Variants in KIF1B observed in about 807,000 individuals in gnomAD.
KIF1B encodes the protein kinesin-like protein KIF1B.
Under a neutral mutation model 241.9 loss-of-function variants are expected in KIF1B, and 76 were observed. The ratio of observed to expected loss-of-function variants is 0.31; its 90% CI spans 0.26 to 0.38. The LOEUF (loss-of-function observed/expected upper bound fraction) is 0.38. Among genes scored for constraint, KIF1B ranks in the 10% least tolerant of loss-of-function variants. The pLI is 1.00. For synonymous variants in KIF1B, 750 were observed against 796.7 expected (o/e 0.94, Z 0.99); for missense variants, 1,622 against 2,271.4 (o/e 0.71, Z 5.81).
intron 44 of KIF1B, among the ~76,000 whole-genome samples, chr1:10,370,002 C>T (rs1020705841): frequency 6.6e-6 from 1 of 152,030 alleles, no homozygotes; most frequent in African/African-American, 2.4e-5. Context: ...GCCTGTAATC[C>T]CAACACTTTG....
At chr1:10,218,951 A>G (rs1020956078) in intron 1 of KIF1B, among the ~76,000 whole-genome samples, 1 of 152,340 alleles carries the variant, frequency 6.6e-6, no homozygotes, top group African/African-American at 2.4e-5. Context: ...GTAAAAATTT[A>G]TGTAACAAGA....
rs774417721 is a variant in KIF1B, at chr1:10,342,055, A to G, written c.3519A>G (p.Ala1173=). The G allele has an allele frequency of 6.3e-7, 1 of 1,589,498 alleles. No homozygotes were observed. The highest frequency in any genetic ancestry group is 8.6e-7 in the Non-Finnish European group (1 of 1,157,698). Residue 1173 remains alanine, a synonymous_variant, in exon 33 of 49, where the codon GCA becomes GCG. Coordinates refer to ENST00000676179, the MANE Select transcript of KIF1B (RefSeq NM_001365951.3). The stretch of plus-strand genomic sequence containing the variant: ...CTAATCTTGCTTGGCTTTAGATTGC[A>G]GTGGAGATCACTGAATCATTTGTGG... ...PLAFYHVQNI[A]VEITESFVDY... is the part of the protein sequence containing the mutation.
chr1:10,371,691 C>G (rs148408541), intron 45 of KIF1B, among the ~76,000 whole-genome samples: 96 of 152,146 alleles, frequency 6.3e-4, no homozygotes, highest in Non-Finnish European at 8.2e-4. Flanking sequence ...CCAGCACTTT[C>G]GGATGCCAAG....
At chr1:10,257,012 G>A (rs1647828420) in intron 3 of KIF1B, among the ~76,000 whole-genome samples, 1 of 151,342 alleles carries the variant, frequency 6.6e-6, no homozygotes, top group Non-Finnish European at 1.5e-5. Context: ...GTGCCTGGCT[G>A]GAAATGCCAA....
Position 10,377,921 on chromosome 1 carries a change from G to A in KIF1B, c.*1334G>A. 2 of 207,490 alleles carry A rather than the reference G, an allele frequency of 9.6e-6. No homozygotes were observed. Among genetic ancestry groups the A allele is most frequent in the South Asian group, 2.7e-4 (2 of 7,390 alleles). The allele number at this position is 207,490 out of a possible 1,614,324, so 12.9% of individuals were successfully genotyped here. A position where few individuals can be genotyped will look rare whatever the true frequency, so the allele number is the denominator to read the frequency against. On this transcript the variant is annotated 3_prime_UTR_variant, in exon 49 of 49. Coordinates refer to ENST00000676179, the MANE Select transcript of KIF1B (RefSeq NM_001365951.3). ...ATTGCACTCCAGCCTGGGTGACAGA[G>A]CAAGACTCTGCCTCAGAAAAAAAAA...
At chr1:10,242,281 C>T (rs901753059) in intron 2 of KIF1B, among the ~76,000 whole-genome samples, 1 of 151,534 alleles carries the variant, frequency 6.6e-6, no homozygotes, top group Non-Finnish European at 1.5e-5. Context: ...AGAAATGTGT[C>T]GGTAGGTGAT....
chr1:10,217,122 T>C (rs188176444), intron 1 of KIF1B, among the ~76,000 whole-genome samples: 3 of 151,400 alleles, frequency 2.0e-5, no homozygotes, highest in African/African-American at 7.3e-5. Context: ...TACAAACGTG[T>C]GCCACCACGC....
intron 4 of KIF1B, among the ~76,000 whole-genome samples, chr1:10,259,510 T>TA (rs1314125980): frequency 6.7e-6 from 1 of 150,000 alleles, no homozygotes; most frequent in Non-Finnish European, 1.5e-5. Context: ...AAAAAATTTT[T>TA]TTTTTTTTTT....
chr1:10,325,486 A>G (rs1176368594), intron 26 of KIF1B, among the ~76,000 whole-genome samples: 1 of 152,206 alleles, frequency 6.6e-6, no homozygotes, highest in Admixed American at 6.5e-5. Context: ...TTATGATTTC[A>G]GAATTTGAAT....
chr1:10,247,357 G>A (rs1647236784), intron 2 of KIF1B, among the ~76,000 whole-genome samples: 1 of 152,084 alleles, frequency 6.6e-6, no homozygotes, highest in Non-Finnish European at 1.5e-5. Context: ...CAGCTTGTTT[G>A]CTTTTATCTA....
At chr1:10,215,750 T>G (rs894997683) in intron 1 of KIF1B, among the ~76,000 whole-genome samples, 3 of 151,960 alleles carry the variant, frequency 2.0e-5, no homozygotes, top group Non-Finnish European at 4.4e-5. Flanking sequence ...CTCACTATAT[T>G]GCCTATTGCC....
rs752653191 is a variant in KIF1B, at chr1:10,324,761, G to C, written c.2541G>C (p.Gln847His). Residue 847 changes from glutamine (Q) to histidine (H), a missense_variant, in exon 26 of 49, where the codon CAG becomes CAC. By Grantham distance (24) the Gln-to-His change is conservative. This residue lies in a region of KIF1B where 803 missense variants were observed against 1,112.0 expected (regional missense o/e 0.72). Coordinates refer to ENST00000676179, the MANE Select transcript of KIF1B (RefSeq NM_001365951.3). Reference sequence around the variant, plus strand: ...GTGCTTTGTGTTTACTAAATAGGCAGAGGCTGGATTTGATGCGAGAGATGT... The same window carrying C: ...GTGCTTTGTGTTTACTAAATAGGCACAGGCTGGATTTGATGCGAGAGATGT... The part of the protein sequence containing the change: ...THYWSLEKLK[Q>H]RLDLMREMYD... 6.2e-7 allele frequency: 1 copy of C among 1,613,918 alleles called. No individual in the cohort carries two copies. The highest frequency in any genetic ancestry group is 8.5e-7 in the Non-Finnish European group (1 of 1,180,006).
At chr1:10,260,635 C>T (rs1056475397) in intron 4 of KIF1B, among the ~76,000 whole-genome samples, 10 of 152,196 alleles carry the variant, frequency 6.6e-5, no homozygotes, top group Admixed American at 3.3e-4. Context: ...GAGGCCAAGG[C>T]GGGTGGATCA....
chr1:10,284,286 A>G (rs1190173312), intron 15 of KIF1B, among the ~76,000 whole-genome samples: 1 of 152,218 alleles, frequency 6.6e-6, no homozygotes, highest in African/African-American at 2.4e-5. Context: ...ACGGTAGCTC[A>G]CACCTGTAAT....
At chr1:10,259,657 T>C (rs1007245618) in intron 4 of KIF1B, among the ~76,000 whole-genome samples, 2 of 151,972 alleles carry the variant, frequency 1.3e-5, no homozygotes, top group African/African-American at 4.8e-5. Flanking sequence ...CACCCACCAC[T>C]ATGCCTGGCT....
intron 27 of KIF1B, among the ~76,000 whole-genome samples, chr1:10,332,501 ATTTTTTTTTTTTTTTT>A (rs568393252): frequency 9.4e-4 from 55 of 58,692 alleles, no homozygotes; most frequent in African/African-American, 3.4e-3. Flanking sequence ...GATAATAGTC[ATTTTTTTTTTTTTTTT>A]TTTTTTTTTT....
In KIF1B at chr1:10,361,025, C is replaced by A; in HGVS notation, c.4152C>A (p.Thr1384=). The A allele has an allele frequency of 6.2e-7, 1 of 1,612,452 alleles. No individual in the cohort carries two copies. The highest frequency in any genetic ancestry group is 1.1e-5 in the South Asian group (1 of 91,036). Reference sequence around the variant, plus strand: ...CCTATGGAGAAAAGATCTACATGACCTTGTCGGCCTACCTAGAGGTGAGGA... The same window carrying A: ...CCTATGGAGAAAAGATCTACATGACATTGTCGGCCTACCTAGAGGTGAGGA... ...VTPYGEKIYM[T]LSAYLELDHC... The change falls in exon 39 of 49, where the codon ACC becomes ACA. Residue 1384 remains threonine (T), a synonymous_variant. Coordinates refer to ENST00000676179, the MANE Select transcript of KIF1B (RefSeq NM_001365951.3).
At position 10,378,238 on chromosome 1, in the gene KIF1B, G is replaced by A; in HGVS notation, c.*1651G>A. On this transcript the variant is annotated 3_prime_UTR_variant, in exon 49 of 49. Coordinates refer to ENST00000676179, the MANE Select transcript of KIF1B (RefSeq NM_001365951.3). ...AACGTCCAGGGAGCCCGGGCCCCAGGCTTTGTTGCGTGTTCCCTGCTCCTC... is the reference window on the plus strand; with the variant it reads ...AACGTCCAGGGAGCCCGGGCCCCAGACTTTGTTGCGTGTTCCCTGCTCCTC... The A allele has an allele frequency of 1.4e-6, 1 of 704,020 alleles. No homozygotes were observed. Among genetic ancestry groups the A allele is most frequent in the Non-Finnish European group, 2.6e-6 (1 of 379,644 alleles). 43.6% of individuals were successfully genotyped at this position (704,020 alleles called of 1,614,324 possible).
chr1:10,306,784 A>AAG, intron 22 of KIF1B: 1 of 861,274 alleles, frequency 1.2e-6, no homozygotes, highest in Non-Finnish European at 1.4e-6. Context: ...AAAAAAAAAA[A>AAG]GGTAATATTT....
Sources: allele counts gnomAD v4.1 joint callset (sites outside exome capture counted in the v4.1 genomes callset), GRCh38; gene constraint gnomAD v4.1.1; regional missense constraint gnomAD v4.1.1; transcripts MANE v1.5; gene names NCBI Gene and HGNC (gene_info 2026-07-23, HGNC 2026-07-21).